SKI: variants seen among roughly 807,000 people sequenced by gnomAD.
The protein encoded by SKI is ski oncogene.
SKI carries 23 observed loss-of-function variants against 59.3 expected under a neutral mutation model. The ratio of observed to expected loss-of-function variants is 0.39; its 90% confidence interval spans 0.28 to 0.55. SKI has a LOEUF of 0.55. Ranked by LOEUF, SKI falls within the 20% of genes least tolerant of loss-of-function variation. SKI has a pLI of 0.67. For synonymous variants in SKI, 673 were observed against 488.6 expected (o/e 1.38, Z -4.98); for missense variants, 1,017 against 1,038.9 (o/e 0.98, Z 0.29).
chr1:2,278,078 G>A (rs1226359758), intron 1 of SKI, among the ~76,000 whole-genome samples: 1 of 152,212 alleles, frequency 6.6e-6, no homozygotes, highest in African/African-American at 2.4e-5. Flanking sequence ...TCGCCCTCGG[G>A]TGAGCAAGTC....
chr1:2,287,914 G>A (rs945137306), intron 1 of SKI, among the ~76,000 whole-genome samples: 5 of 152,142 alleles, frequency 3.3e-5, no homozygotes, highest in East Asian at 3.9e-4. Context: ...AGCCCTGGGC[G>A]CTCCTGGCCC....
At chr1:2,290,194 G>GCC (rs1448855536) in intron 1 of SKI, among the ~76,000 whole-genome samples, 3 of 152,056 alleles carry the variant, frequency 2.0e-5, no homozygotes, top group African/African-American at 7.2e-5. Context: ...GGCTGCCCCC[G>GCC]GCAGAGCCTT....
chr1:2,252,737 C>T (rs983476066), intron 1 of SKI, among the ~76,000 whole-genome samples: 2 of 152,152 alleles, frequency 1.3e-5, no homozygotes, highest in Non-Finnish European at 2.9e-5. Context: ...GTGCTCAGCT[C>T]TTCTGGAAGA....
intron 1 of SKI, among the ~76,000 whole-genome samples, chr1:2,290,183 G>A (rs1640130758): frequency 6.6e-6 from 1 of 152,032 alleles, no homozygotes; most frequent in South Asian, 2.1e-4. Context: ...GGGCAGCCCT[G>A]GGCTGCCCCC....
intron 1 of SKI, among the ~76,000 whole-genome samples, chr1:2,256,016 C>T (rs1162951923): frequency 6.9e-6 from 1 of 144,274 alleles, no homozygotes; most frequent in Non-Finnish European, 1.5e-5. Context: ...ACACACTGTG[C>T]CCGGACTGCA....
At chr1:2,291,686 C>T (rs953209264) in intron 1 of SKI, among the ~76,000 whole-genome samples, 1 of 64,740 alleles carries the variant, frequency 1.5e-5, no homozygotes, top group Non-Finnish European at 3.2e-5. Flanking sequence ...TGTTTTGATG[C>T]CCCTTGGCTC....
At chr1:2,233,190 G>T (rs1301024730) in intron 1 of SKI, among the ~76,000 whole-genome samples, 1 of 150,456 alleles carries the variant, frequency 6.6e-6, no homozygotes, top group African/African-American at 2.4e-5. Flanking sequence ...CCAAGGGGGG[G>T]TCCTGCTCCG....
intron 1 of SKI, among the ~76,000 whole-genome samples, chr1:2,275,273 G>T (rs571082308): frequency 6.6e-6 from 1 of 152,210 alleles, no homozygotes; most frequent in South Asian, 2.1e-4. Context: ...CCGCTCAGGC[G>T]CCACGGCGGC....
chr1:2,245,354 G>A (rs1638970218), intron 1 of SKI, among the ~76,000 whole-genome samples: 1 of 152,190 alleles, frequency 6.6e-6, no homozygotes, highest in African/African-American at 2.4e-5. Flanking sequence ...GACTTCCACA[G>A]TTTAGCTGTC....
intron 1 of SKI, among the ~76,000 whole-genome samples, chr1:2,236,597 G>C (rs1365635492): frequency 6.6e-6 from 1 of 152,138 alleles, no homozygotes; most frequent in African/African-American, 2.4e-5. Context: ...AGTAGAGACG[G>C]GGTTTTACCA....
intron 1 of SKI, among the ~76,000 whole-genome samples, chr1:2,279,133 C>T (rs1213037142): frequency 6.6e-6 from 1 of 152,194 alleles, no homozygotes; most frequent in Non-Finnish European, 1.5e-5. Context: ...GGGCTGGGCC[C>T]TCCACCGCCC....
At chr1:2,272,582 A>G (rs1391579298) in intron 1 of SKI, among the ~76,000 whole-genome samples, 1 of 152,252 alleles carries the variant, frequency 6.6e-6, no homozygotes, top group African/African-American at 2.4e-5. Context: ...CTTTAGAAAA[A>G]TAATAATGGA....
intron 1 of SKI, among the ~76,000 whole-genome samples, chr1:2,259,924 G>A (rs1023150480): frequency 2.0e-5 from 3 of 152,222 alleles, no homozygotes; most frequent in South Asian, 2.1e-4. Context: ...CCGTTGGAGC[G>A]TGTGGAGTGT....
At position 2,228,778 on chromosome 1, in the gene SKI, G is replaced by A. The variant is rs1194059387; in HGVS notation, c.12G>A (p.Ala4=). The A allele has an allele frequency of 7.8e-6, 10 of 1,288,260 alleles. No individual in the cohort carries two copies. Among genetic ancestry groups the A allele is most frequent in the East Asian group, 8.3e-5 (2 of 23,954 alleles). The allele number at this position is 1,288,260 out of a possible 1,614,324, so 79.8% of individuals were successfully genotyped here. Residue 4 remains alanine (A), a synonymous_variant, in exon 1 of 7, where the codon GCG becomes GCA. Transcript: ENST00000378536. ...AGCCGGAGCGCACCATGGAGGCGGC[G>A]GCAGGCGGCCGCGGCTGTTTCCAGC... MEA[A]AGGRGCFQPH...
At chr1:2,234,140 C>T (rs1382832428) in intron 1 of SKI, among the ~76,000 whole-genome samples, 8 of 152,174 alleles carry the variant, frequency 5.3e-5, no homozygotes, top group East Asian at 1.9e-4. Flanking sequence ...GTGAGGGTTC[C>T]GGAAAGACGG....
In SKI at chr1:2,229,671, G is replaced by T; in HGVS notation, c.905G>T (p.Arg302Leu). 1 of 1,608,738 alleles carries T rather than the reference G, an allele frequency of 6.2e-7. No individual in the cohort carries two copies. Among genetic ancestry groups the T allele is most frequent in the Non-Finnish European group, 8.5e-7 (1 of 1,178,242 alleles). The change falls in exon 1 of 7, where the codon CGC becomes CTC. Residue 302 changes from arginine to leucine, a missense_variant. Transcript: ENST00000378536. This position sits in a 1 kb window ranked among gnomAD's most constrained non-coding sequence, Gnocchi z 6.3. ...TGKEEQARLG[R>L]CLDDVKEKFD... ...AAGGAGGAGCAGGCGCGCCTCGGCC[G>T]CTGCCTGGACGACGTGAAGGAGAAA...
intron 1 of SKI, among the ~76,000 whole-genome samples, chr1:2,246,601 C>T (rs1484226643): frequency 6.6e-6 from 1 of 152,178 alleles, no homozygotes; most frequent in African/African-American, 2.4e-5. Context: ...GTGTGCAGCG[C>T]TGTCTGCAAG....
rs574569241 is a variant in SKI, at chr1:2,309,317, A to C, written c.*2552A>C. On this transcript the variant is annotated 3_prime_UTR_variant, in exon 7 of 7. Transcript: ENST00000378536. Reference sequence around the variant, plus strand: ...TTGTGTATTCAGTTTAATTCTCATTATATTTCTATACTGAAAGAAGATTTT... The same window carrying C: ...TTGTGTATTCAGTTTAATTCTCATTCTATTTCTATACTGAAAGAAGATTTT... 1 of 152,286 alleles carries C rather than the reference A, an allele frequency of 6.6e-6. No homozygotes were observed. The highest frequency in any genetic ancestry group is 2.1e-4 in the South Asian group (1 of 4,832). 9.4% of individuals were successfully genotyped at this position (152,286 alleles called of 1,614,324 possible).
At chr1:2,230,635 G>C (rs1020352934) in intron 1 of SKI, among the ~76,000 whole-genome samples, 7 of 152,206 alleles carry the variant, frequency 4.6e-5, no homozygotes, top group Admixed American at 3.9e-4. Context: ...GGCATGGGCA[G>C]CTCCCAGGCC....
Sources: allele counts gnomAD v4.1 joint callset (sites outside exome capture counted in the v4.1 genomes callset), GRCh38; gene constraint gnomAD v4.1.1; non-coding constraint Gnocchi (gnomAD v3.1); transcripts MANE v1.5; gene names NCBI Gene and HGNC (gene_info 2026-07-23, HGNC 2026-07-21).